Variants in PTPRT observed in about 807,000 individuals in gnomAD.
The protein encoded by PTPRT is protein tyrosine phosphatase receptor type T.
A neutral mutation model predicts 176.8 loss-of-function variants in PTPRT; 56 were observed. That is an observed-to-expected ratio of 0.32 (90% CI 0.26 to 0.40). PTPRT has a LOEUF of 0.40. Ranked by LOEUF, PTPRT falls within the 10% of genes least tolerant of loss-of-function variation. PTPRT has a pLI of 1.00. For synonymous variants in PTPRT, 783 were observed against 739.0 expected (o/e 1.06, Z -0.96); for missense variants, 1,540 against 1,908.2 (o/e 0.81, Z 3.60).
intron 1 of PTPRT, among the ~76,000 whole-genome samples, chr20:43,056,365 T>C (rs953951169): frequency 4.6e-5 from 7 of 152,220 alleles, no homozygotes; most frequent in Admixed American, 1.3e-4. Flanking sequence ...GAAATGGGTA[T>C]GAAAGTGCTG....
intron 11 of PTPRT, among the ~76,000 whole-genome samples, chr20:42,345,472 AC>A: frequency 6.7e-6 from 1 of 148,616 alleles, no homozygotes; most frequent in African/African-American, 2.5e-5. Flanking sequence ...TATATATAAA[AC>A]TAGTTACTAT....
At chr20:42,424,452 C>T (rs2059145872) in intron 9 of PTPRT, among the ~76,000 whole-genome samples, 1 of 152,188 alleles carries the variant, frequency 6.6e-6, no homozygotes, top group Admixed American at 6.5e-5. Context: ...AAACACCTTC[C>T]ACCTGCCTCC....
intron 6 of PTPRT, among the ~76,000 whole-genome samples, chr20:42,709,854 T>G (rs1179960278): frequency 6.6e-6 from 1 of 152,174 alleles, no homozygotes; most frequent in Non-Finnish European, 1.5e-5. Flanking sequence ...GATGAGGTCT[T>G]AGATGGAAAT....
chr20:42,791,902 T>C (rs1168584166), intron 2 of PTPRT, among the ~76,000 whole-genome samples: 4 of 152,232 alleles, frequency 2.6e-5, no homozygotes, highest in Non-Finnish European at 5.9e-5. Flanking sequence ...CCCTTGCCAC[T>C]GGCTTTGCAG....
At chr20:42,293,653 C>G (rs1384128712) in intron 12 of PTPRT, among the ~76,000 whole-genome samples, 1 of 152,108 alleles carries the variant, frequency 6.6e-6, no homozygotes, top group Non-Finnish European at 1.5e-5. Flanking sequence ...TTCCTGAGAT[C>G]CAGGCTCATC....
intron 17 of PTPRT, among the ~76,000 whole-genome samples, chr20:42,148,260 AT>A (rs34255255): frequency 0.061 from 6,997 of 114,010 alleles, 252 homozygotes; most frequent in African/African-American, 0.12. Flanking sequence ...CAAGGCAGTC[AT>A]TTTTTTTTTT....
intron 1 of PTPRT, among the ~76,000 whole-genome samples, chr20:42,904,485 T>C (rs1009877385): frequency 6.6e-6 from 1 of 152,172 alleles, no homozygotes; most frequent in Admixed American, 6.5e-5. Flanking sequence ...CTGGAAGCTC[T>C]TGACAGTCTA....
In PTPRT at chr20:42,731,572, C is replaced by G. The variant is rs909420204; in HGVS notation, c.859+24890G>C. ...ATGAGGCTCACCACCAGGCCCAGCA[C>G]TGTGTGAAGGTTGTGCGTCCACATT... On this transcript the variant is annotated intron_variant, in intron 6 of 30. Coordinates refer to ENST00000373187, the MANE Select transcript of PTPRT (RefSeq NM_007050.6). Among the ~76,000 whole-genome samples the G allele has an allele frequency of 5.9e-5, 9 of 152,200 alleles. No homozygotes were observed. In the East Asian group the frequency reaches 1.7e-3, roughly 29 times the overall value.
intron 15 of PTPRT, among the ~76,000 whole-genome samples, chr20:42,206,460 C>A (rs2055465722): frequency 6.6e-6 from 1 of 152,220 alleles, no homozygotes. Context: ...CGAGGCATTG[C>A]CTCACTTGGG....
chr20:42,686,575 C>T (rs1307875777), intron 6 of PTPRT, among the ~76,000 whole-genome samples: 1 of 142,498 alleles, frequency 7.0e-6, no homozygotes, highest in Admixed American at 7.4e-5. Flanking sequence ...CCTCCGCCTC[C>T]CGGGTTCAAG....
chr20:42,364,445 C>G (rs1226598683), intron 9 of PTPRT, among the ~76,000 whole-genome samples: 3 of 152,094 alleles, frequency 2.0e-5, no homozygotes, highest in African/African-American at 7.2e-5. Flanking sequence ...TGTATTCGCC[C>G]CTACTTACTA....
At position 42,259,483 on chromosome 20, in the gene PTPRT, C is replaced by T. The variant is rs117563393; in HGVS notation, c.2177-10661G>A. ...AAATCCATTTATACCTCCCAATGAC[C>T]TCAACTACTTTCTGTTGTGCCAAGG... On this transcript the variant is annotated intron_variant, in intron 13 of 30. Coordinates refer to ENST00000373187, the MANE Select transcript of PTPRT (RefSeq NM_007050.6). Among the ~76,000 whole-genome samples the T allele has an allele frequency of 2.4e-3, 364 of 152,322 alleles. 4 individuals carry two copies. Among genetic ancestry groups the T allele is most frequent in the East Asian group, 0.017 (87 of 5,184 alleles).
chr20:42,390,171 C>T (rs1437969158), intron 9 of PTPRT, among the ~76,000 whole-genome samples: 3 of 152,116 alleles, frequency 2.0e-5, no homozygotes, highest in Non-Finnish European at 4.4e-5. Flanking sequence ...TTAGGTGAAA[C>T]CCTGTCACTA....
intron 9 of PTPRT, among the ~76,000 whole-genome samples, chr20:42,429,185 G>T (rs1033414): frequency 0.1 from 15,831 of 152,162 alleles, 966 homozygotes; most frequent in East Asian, 0.23. Context: ...TTACCTTGAA[G>T]GGCTGAGACA....
At chr20:42,286,186 C>T (rs750283030) in intron 12 of PTPRT, among the ~76,000 whole-genome samples, 49 of 151,826 alleles carry the variant, frequency 3.2e-4, no homozygotes, top group South Asian at 1.2e-3. Context: ...AATGTAATCT[C>T]TATCAAAATA....
At chr20:42,695,012 C>A (rs1181739789) in intron 6 of PTPRT, among the ~76,000 whole-genome samples, 6 of 152,190 alleles carry the variant, frequency 3.9e-5, no homozygotes, top group Non-Finnish European at 7.3e-5. Context: ...GCCTGTAATC[C>A]CAGCCCTTTG....
At chr20:42,082,159 C>G in intron 29 of PTPRT, 142 bp from the exon 30 acceptor site, 2 of 1,253,806 alleles carry the variant, frequency 1.6e-6, no homozygotes, top group Non-Finnish European at 2.2e-6. Context: ...TAGCCTGAGC[C>G]ATGAGTTATG....
intron 19 of PTPRT, among the ~76,000 whole-genome samples, chr20:42,123,150 T>G (rs1600551870): frequency 6.6e-6 from 1 of 152,136 alleles, no homozygotes; most frequent in East Asian, 1.9e-4. Context: ...AGTTGGAGCA[T>G]CCTCTTAATG....
chr20:42,119,874 G>C, intron 20 of PTPRT, 61 bp downstream of exon 20: 2 of 1,455,426 alleles, frequency 1.4e-6, no homozygotes, highest in Non-Finnish European at 1.9e-6. Context: ...AGTTAAGAGA[G>C]CCCTTTCCCC....
Sources: gnomAD v4.1 joint callset for allele counts (sites outside exome capture counted in the v4.1 genomes callset) on GRCh38, gnomAD v4.1.1 for gene constraint, MANE v1.5 for transcripts, NCBI Gene and HGNC (gene_info 2026-07-23, HGNC 2026-07-21) for gene names.